The following GPRC5B variants were observed in gnomAD, a reference collection of about 807,000 sequenced individuals.
GPRC5B encodes the protein G protein-coupled receptor family C group 5 member B.
GPRC5B carries 16 observed loss-of-function variants against 30.1 expected under a neutral mutation model. The ratio of observed to expected loss-of-function variants is 0.53; its 90% CI spans 0.36 to 0.81. The LOEUF is 0.81. Among genes scored for constraint, GPRC5B ranks in the 30% least tolerant of loss-of-function variants. The probability of loss-of-function intolerance (pLI) is 0.01; values close to 1 mark genes in which losing one functional copy is unlikely to be tolerated. For missense variants in GPRC5B, 428 were observed against 544.7 expected (o/e 0.79, Z 2.13); for synonymous variants, 241 against 239.5 (o/e 1.01, Z -0.06).
intron 2 of GPRC5B, among the ~76,000 whole-genome samples, chr16:19,871,289 A>AAAAAAAAAG (rs2056716416): frequency 6.7e-6 from 1 of 150,278 alleles, no homozygotes; most frequent in African/African-American, 2.5e-5. Context: ...CTCAAAAAAA[A>AAAAAAAAAG]AAAAAAAAAA....
intron 2 of GPRC5B, among the ~76,000 whole-genome samples, chr16:19,867,421 G>A (rs1334910361): frequency 6.6e-6 from 1 of 152,176 alleles, no homozygotes; most frequent in Non-Finnish European, 1.5e-5. Context: ...GATTAAAAGA[G>A]ATCAGCCACT....
chr16:19,867,182 T>G (rs1167781252), intron 2 of GPRC5B, among the ~76,000 whole-genome samples: 6 of 152,164 alleles, frequency 3.9e-5, no homozygotes, highest in Non-Finnish European at 8.8e-5. Context: ...CTCAGTGAGA[T>G]GAGGGGCGCT....
rs1286194460 is a variant in GPRC5B at position 19,872,840 on chromosome 16, G to A, written c.6C>T (p.Phe2=). 5 of 1,608,976 alleles carry A rather than the reference G, an allele frequency of 3.1e-6. No homozygotes were observed. The highest frequency in any genetic ancestry group is 2.2e-5 in the East Asian group (1 of 44,778). ...CTCTCATCTTTCTCTCTGATGCCAC[G>A]AACATTCTAGAAAAGCCAAGAGGGG... M[F]VASERKMRAH... Residue 2 remains phenylalanine (F), a synonymous_variant, in exon 2 of 4, where the codon TTC becomes TTT. Coordinates refer to ENST00000300571, the MANE Select transcript of GPRC5B (RefSeq NM_016235.3). This position sits in a 1 kb window ranked among gnomAD's most constrained non-coding sequence, Gnocchi z 5.0.
intron 1 of GPRC5B, among the ~76,000 whole-genome samples, chr16:19,880,145 TAATAAAATAAAATAAATAATAATAA>T (rs1197764921): frequency 6.7e-6 from 1 of 150,330 alleles, no homozygotes; most frequent in Non-Finnish European, 1.5e-5. Flanking sequence ...AATATAATAA[TAATAAAATAAAATAAATAATAATAA>T]AATAAAATAA....
rs1423420931 is a variant in GPRC5B at position 19,857,977 on chromosome 16, A to G, written c.*2523T>C. The G allele has an allele frequency of 6.5e-6, 1 of 152,676 alleles. No individual in the cohort carries two copies. Among genetic ancestry groups the G allele is most frequent in the Non-Finnish European group, 1.5e-5 (1 of 68,420 alleles). The allele number at this position is 152,676 out of a possible 1,614,324, so 9.5% of individuals were successfully genotyped here. A position where few individuals can be genotyped will look rare whatever the true frequency, so the allele number is the denominator to read the frequency against. On this transcript the variant is annotated 3_prime_UTR_variant, in exon 4 of 4. Transcript: ENST00000300571. ...TAGACCCAAAGCGATTTTAATAACC[A>G]GACACGGAACAATTTGTGCTTACAA...
chr16:19,884,918 C>G (rs1380566629), upstream of GPRC5B: 1 of 929,490 alleles, frequency 1.1e-6, no homozygotes, highest in Non-Finnish European at 1.3e-6. Context: ...GCCGCGGCCC[C>G]GCCCCCGCCC....
At chr16:19,873,329 T>TG (rs1190333669) in intron 1 of GPRC5B, among the ~76,000 whole-genome samples, 1 of 151,924 alleles carries the variant, frequency 6.6e-6, no homozygotes, top group Admixed American at 6.6e-5. Context: ...CTGGGCATGG[T>TG]GGCGGGCGCC....
rs1555459274 is a variant in GPRC5B, at chr16:19,884,082, T to TC, written c.-2+644_-2+645insG. Among the ~76,000 whole-genome samples, 108 of 122,348 alleles carry TC rather than the reference T, an allele frequency of 8.8e-4. 2 individuals are homozygous for TC. The highest frequency in any genetic ancestry group is 4.4e-3 in the Middle Eastern group (1 of 228). 80.3% of individuals were successfully genotyped at this position (122,348 alleles called of 152,430 possible). On this transcript the variant is annotated intron_variant, in intron 1 of 3. Coordinates refer to ENST00000300571, the MANE Select transcript of GPRC5B (RefSeq NM_016235.3). ...CCCCTGTCTGGAAGGGAAACGCCAC[T>TC]GCCCCCCCCGCCATTGTATGCAGCC... is the stretch of plus-strand genomic sequence containing the variant.
Position 19,858,859 on chromosome 16 carries a change from A to G in GPRC5B, c.*1641T>C, listed in dbSNP as rs11863285. 0.013 allele frequency: 3,512 copies of G among 275,152 alleles called. 123 individuals are homozygous for G. The highest frequency in any genetic ancestry group is 0.072 in the African/African-American group (3,290 of 45,914). The allele number at this position is 275,152 out of a possible 1,614,324, so 17.0% of individuals were successfully genotyped here. On this transcript the variant is annotated 3_prime_UTR_variant, in exon 4 of 4. Coordinates refer to ENST00000300571, the MANE Select transcript of GPRC5B (RefSeq NM_016235.3). ...CGTGGTAACACAAGGAAATGTACTA[A>G]CTGTTAAGGAAAACTCGAAGGCGGG...
intron 1 of GPRC5B, among the ~76,000 whole-genome samples, chr16:19,881,270 G>A (rs990834720): frequency 6.6e-6 from 1 of 152,204 alleles, no homozygotes; most frequent in African/African-American, 2.4e-5. Flanking sequence ...GCTGGTGTGA[G>A]AAGTACGTGA....
At chr16:19,874,612 T>A (rs1374970461) in intron 1 of GPRC5B, 1 of 152,258 alleles carries the variant, frequency 6.6e-6, no homozygotes, top group Non-Finnish European at 1.5e-5. Context: ...CGTTGCAGGA[T>A]GCTTAGCAGC....
At chr16:19,867,055 G>A (rs1396805278) in intron 2 of GPRC5B, among the ~76,000 whole-genome samples, 1 of 152,188 alleles carries the variant, frequency 6.6e-6, no homozygotes, top group Non-Finnish European at 1.5e-5. Context: ...CTGCTCTGCC[G>A]TGTATTTATA....
chr16:19,879,431 CCA>C (rs1045513412), intron 1 of GPRC5B, among the ~76,000 whole-genome samples: 3 of 144,866 alleles, frequency 2.1e-5, no homozygotes, highest in African/African-American at 8.6e-5. Context: ...CACACACACA[CCA>C]CACACACAGA....
intron 2 of GPRC5B, among the ~76,000 whole-genome samples, chr16:19,868,083 C>T (rs182062078): frequency 1.4e-4 from 21 of 148,906 alleles, no homozygotes; most frequent in South Asian, 8.6e-4. Flanking sequence ...CAAAACAAAA[C>T]GAAAAAGGGG....
At chr16:19,878,961 G>C (rs1266068814) in intron 1 of GPRC5B, among the ~76,000 whole-genome samples, 1 of 152,140 alleles carries the variant, frequency 6.6e-6, no homozygotes, top group South Asian at 2.1e-4. Flanking sequence ...CAGGCGATGT[G>C]GGGGTGTACT....
Position 19,858,616 on chromosome 16 carries a change from T to G in GPRC5B, c.*1884A>C. 1 of 585,210 alleles carries G rather than the reference T, an allele frequency of 1.7e-6. No homozygotes were observed. The highest frequency in any genetic ancestry group is 3.1e-6 in the Non-Finnish European group (1 of 321,710). 36.3% of individuals were successfully genotyped at this position (585,210 alleles called of 1,614,324 possible). A position where few individuals can be genotyped will look rare whatever the true frequency, so the allele number is the denominator to read the frequency against. ...CCGAGGTGTTTGAAGATTTCTTTCT[T>G]TTCAGAATACCGGGTCCGCATGCAA... is the stretch of plus-strand genomic sequence containing the variant. On this transcript the variant is annotated 3_prime_UTR_variant, in exon 4 of 4. Transcript: ENST00000300571.
At chr16:19,865,535 A>C (rs999997785) in intron 2 of GPRC5B, among the ~76,000 whole-genome samples, 2 of 152,244 alleles carry the variant, frequency 1.3e-5, no homozygotes, top group Non-Finnish European at 2.9e-5. Context: ...TTTCACTTAA[A>C]GTCGCAGTTT....
chr16:19,862,811 G>A (rs1451697574), intron 2 of GPRC5B, among the ~76,000 whole-genome samples: 6 of 152,132 alleles, frequency 3.9e-5, no homozygotes. Flanking sequence ...CAGCTACTCG[G>A]GAGGCTGCAG....
Position 19,872,875 on chromosome 16 carries a change from G to C in GPRC5B, c.-1-29C>G. ...GAAAAGCCAAGAGGGGAATGGTTGG[G>C]GGGAAGGAAAGATGAATTCATTGGA... is the stretch of plus-strand genomic sequence containing the variant. On this transcript the variant is annotated intron_variant, in intron 1 of 3. Transcript: ENST00000300571. The surrounding 1 kb of genome is among the most constrained non-coding windows in gnomAD (Gnocchi z 5.0). The C allele has an allele frequency of 6.5e-7, 1 of 1,543,972 alleles. No homozygotes were observed. The highest frequency in any genetic ancestry group is 8.9e-7 in the Non-Finnish European group (1 of 1,123,956).
Sources: gnomAD v4.1 joint callset for allele counts (sites outside exome capture counted in the v4.1 genomes callset) on GRCh38, gnomAD v4.1.1 for gene constraint, Gnocchi (gnomAD v3.1) non-coding constraint, MANE v1.5 for transcripts, NCBI Gene and HGNC (gene_info 2026-07-23, HGNC 2026-07-21) for gene names.